PHF3: variants seen among roughly 807,000 people sequenced by gnomAD.
The protein encoded by PHF3 is PHD finger protein 3.
In PHF3, 41 loss-of-function variants were observed where a neutral mutation model predicts 178.4. The observed-to-expected ratio is 0.23, with a 90% CI of 0.18 to 0.30. PHF3 has a LOEUF of 0.30. PHF3 is among the 10% of genes least tolerant of loss of function. PHF3 has a pLI of 1.00. For missense variants in PHF3, 2,346 were observed against 2,398.1 expected (o/e 0.98, Z 0.45); for synonymous variants, 842 against 800.5 (o/e 1.05, Z -0.88).
chr6:63,649,141 T>A (rs1764916611), intron 2 of PHF3, among the ~76,000 whole-genome samples: 1 of 151,932 alleles, frequency 6.6e-6, no homozygotes, highest in Admixed American at 6.6e-5. Context: ...CAGGGTCTTG[T>A]TATATTGCCC....
Position 63,646,685 on chromosome 6 carries a change from T to C in PHF3, c.134T>C (p.Leu45Pro). 1.2e-6 allele frequency: 2 copies of C among 1,613,788 alleles called. No homozygotes were observed. Among genetic ancestry groups the C allele is most frequent in the Non-Finnish European group, 1.7e-6 (2 of 1,179,890 alleles). Residue 45 changes from leucine (L) to proline (P), a missense_variant, in exon 2 of 16, where the codon CTG becomes CCG. This residue lies in a region of PHF3 where 843 missense variants were observed against 795.2 expected (regional missense o/e 1.06). Coordinates refer to ENST00000262043, the MANE Select transcript of PHF3 (RefSeq NM_001370348.2). ...AGTCAAAATGTCTTAGAGGACTCGC[T>C]GAAGAACATGCTCAGCGATAAGGAT... is the stretch of plus-strand genomic sequence containing the variant. ...SASQNVLEDS[L>P]KNMLSDKDPM...
chr6:63,680,138 A>T lies in PHF3; in HGVS notation c.383A>T (p.Lys128Ile). The T allele has an allele frequency of 6.2e-7, 1 of 1,609,312 alleles. No individual in the cohort carries two copies. The highest frequency in any genetic ancestry group is 8.5e-7 in the Non-Finnish European group (1 of 1,178,140). ...VEENSVRSPR[K>I]SPRLMAQEQV... is the part of the protein sequence containing the mutation. ...GAAAATTCAGTGAGATCTCCAAGAA[A>T]ATCACCTCGTTTAATGGCACAAGGT... Residue 128 changes from lysine (K) to isoleucine (I), a missense_variant, in exon 3 of 16, where the codon AAA becomes ATA. Around this residue, in one of 8 missense-constraint regions of PHF3, gnomAD observed 843 missense variants for 795.2 expected, o/e 1.06. Coordinates refer to ENST00000262043, the MANE Select transcript of PHF3 (RefSeq NM_001370348.2).
intron 5 of PHF3, 149 bp downstream of exon 5, chr6:63,692,192 T>C (rs2149592011): frequency 1.5e-6 from 1 of 650,610 alleles, no homozygotes; most frequent in African/African-American, 1.8e-5. Flanking sequence ...GGTTTTTATT[T>C]AAAATTTTTT....
chr6:63,685,626 C>G lies in PHF3; in HGVS notation c.1904C>G (p.Pro635Arg). ...KQCHKPQQQA[P>R]AMKTNSHVKE... ...TGTCATAAGCCTCAGCAACAGGCCC[C>G]AGCAATGAAAACCAATAGTCACGTG... Residue 635 changes from proline (P) to arginine (R), a missense_variant, in exon 4 of 16, where the codon CCA becomes CGA. By Grantham distance (103) the Pro-to-Arg change is moderately radical (BLOSUM62 -2). Coordinates refer to ENST00000262043, the MANE Select transcript of PHF3 (RefSeq NM_001370348.2). 6.2e-7 allele frequency: 1 copy of G among 1,614,074 alleles called. No homozygotes were observed. The highest frequency in any genetic ancestry group is 8.5e-7 in the Non-Finnish European group (1 of 1,180,014).
At chr6:63,653,019 G>GT (rs371116514) in intron 2 of PHF3, among the ~76,000 whole-genome samples, 4,812 of 126,886 alleles carry the variant, frequency 0.038, 248 homozygotes, top group African/African-American at 0.11. Flanking sequence ...ATGTTGGCTA[G>GT]TTTTTTTTTT....
chr6:63,654,989 G>C (rs939390930), intron 2 of PHF3, among the ~76,000 whole-genome samples: 1 of 150,042 alleles, frequency 6.7e-6, no homozygotes, highest in Non-Finnish European at 1.5e-5. Flanking sequence ...CACTTCCCAG[G>C]CTCAAGTGAT....
Position 63,685,740 on chromosome 6 carries a change from G to A in PHF3, c.2018G>A (p.Arg673His), listed in dbSNP as rs763965577. 8.1e-6 allele frequency: 13 copies of A among 1,613,976 alleles called. No individual in the cohort carries two copies. Among genetic ancestry groups the A allele is most frequent in the East Asian group, 6.7e-5 (3 of 44,874 alleles). ...LKKPEKNLQP[R>H]QRRSSKSFSL... The stretch of plus-strand genomic sequence containing the variant: ...AAACCTGAGAAGAACCTACAACCCC[G>A]CCAAAGAAGAAGCAGCAAAAGTTTT... Residue 673 changes from arginine to histidine, a missense_variant, in exon 4 of 16, where the codon CGC becomes CAC. Physicochemically the swap from Arg to His is conservative, Grantham distance 29. Coordinates refer to ENST00000262043, the MANE Select transcript of PHF3 (RefSeq NM_001370348.2).
chr6:63,710,969 A>G (rs577701539), intron 14 of PHF3, among the ~76,000 whole-genome samples, 198 bp from the exon 15 acceptor site: 1 of 152,324 alleles, frequency 6.6e-6, no homozygotes, highest in South Asian at 2.1e-4. Context: ...AGATAAATCC[A>G]TCAATGGATC....
At chr6:63,707,407 T>C (rs1242259283) in intron 13 of PHF3, among the ~76,000 whole-genome samples, 1 of 152,196 alleles carries the variant, frequency 6.6e-6, no homozygotes, top group Admixed American at 6.5e-5. Flanking sequence ...GTGATACCCT[T>C]GGTTGGTTCT....
intron 2 of PHF3, among the ~76,000 whole-genome samples, chr6:63,647,445 G>T (rs147143160): frequency 3.3e-3 from 495 of 152,194 alleles, no homozygotes; most frequent in Middle Eastern, 0.014. Context: ...TGAAGACTCA[G>T]TATGAAAAAA....
At chr6:63,673,299 A>T (rs1766003632) in intron 2 of PHF3, among the ~76,000 whole-genome samples, 1 of 151,948 alleles carries the variant, frequency 6.6e-6, no homozygotes, top group African/African-American at 2.4e-5. Flanking sequence ...TTTTGTTTTT[A>T]AATAAAATTT....
At chr6:63,687,376 A>G (rs1266198559) in intron 4 of PHF3, among the ~76,000 whole-genome samples, 4 of 152,244 alleles carry the variant, frequency 2.6e-5, no homozygotes, top group Non-Finnish European at 5.9e-5. Context: ...GTGAGCCGAC[A>G]TTGAGCCACT....
At chr6:63,669,216 TA>T (rs1448561562) in intron 2 of PHF3, among the ~76,000 whole-genome samples, 1 of 152,206 alleles carries the variant, frequency 6.6e-6, no homozygotes, top group Non-Finnish European at 1.5e-5. Flanking sequence ...AACTGACATT[TA>T]AAAAACTATA....
chr6:63,648,988 C>G (rs1236733203), intron 2 of PHF3, among the ~76,000 whole-genome samples: 1 of 151,796 alleles, frequency 6.6e-6, no homozygotes, highest in Non-Finnish European at 1.5e-5. Context: ...CAGTAAAAGG[C>G]CCACACATTT....
At chr6:63,677,201 C>G (rs980212738) in intron 2 of PHF3, among the ~76,000 whole-genome samples, 1 of 151,972 alleles carries the variant, frequency 6.6e-6, no homozygotes, top group African/African-American at 2.4e-5. Context: ...GGAGAAGATA[C>G]CTATGGGAAT....
rs1242119315 is a variant in PHF3, at chr6:63,723,397, G to C, written c.*9689G>C. On this transcript the variant is annotated 3_prime_UTR_variant, in exon 16 of 16. Transcript: ENST00000262043. ...TATAGCAACCTAAATATACTTTGTG[G>C]CCTGCAAGTGAACACAAACCAGTTA... Among the ~76,000 whole-genome samples, 2 of 152,122 alleles carry C rather than the reference G, an allele frequency of 1.3e-5. No homozygotes were observed. The highest frequency in any genetic ancestry group is 1.3e-4 in the Admixed American group (2 of 15,254).
At chr6:63,654,977 T>C (rs1253747493) in intron 2 of PHF3, among the ~76,000 whole-genome samples, 2 of 148,486 alleles carry the variant, frequency 1.3e-5, no homozygotes, top group East Asian at 2.0e-4. Context: ...CACTGCAACG[T>C]CCACTTCCCA....
In PHF3 at chr6:63,691,949, A is replaced by T; in HGVS notation, c.2402A>T (p.Glu801Val). ...TTCCATAGTGGAGATAAAACAATGGAGTGTGAAAAGCTTGGATTATCAAAA... is the reference window on the plus strand; with the variant it reads ...TTCCATAGTGGAGATAAAACAATGGTGTGTGAAAAGCTTGGATTATCAAAA... ...VEFHSGDKTM[E>V]CEKLGLSKHT... Residue 801 changes from glutamate to valine, a missense_variant, in exon 5 of 16, where the codon GAG (glutamate) becomes GTG (valine). Around this residue, in one of 8 missense-constraint regions of PHF3, gnomAD observed 252 missense variants for 232.0 expected, o/e 1.09. Coordinates refer to ENST00000262043, the MANE Select transcript of PHF3 (RefSeq NM_001370348.2). The T allele has an allele frequency of 6.2e-7, 1 of 1,613,692 alleles. No individual in the cohort carries two copies. Among genetic ancestry groups the T allele is most frequent in the Non-Finnish European group, 8.5e-7 (1 of 1,179,692 alleles).
intron 1 of PHF3, among the ~76,000 whole-genome samples, chr6:63,641,558 G>A (rs1323457137): frequency 1.3e-5 from 2 of 150,182 alleles, no homozygotes; most frequent in Non-Finnish European, 2.9e-5. Flanking sequence ...GTGTGTGTGT[G>A]TGTGTGTGTG....
Sources: allele counts gnomAD v4.1 joint callset (sites outside exome capture counted in the v4.1 genomes callset), GRCh38; gene constraint gnomAD v4.1.1; regional missense constraint gnomAD v4.1.1; transcripts MANE v1.5; gene names NCBI Gene and HGNC (gene_info 2026-07-23, HGNC 2026-07-21).